The following KCNIP3 variants were observed in gnomAD, a reference collection of about 807,000 sequenced individuals.
The protein encoded by KCNIP3 is calsenilin.
A neutral mutation model predicts 35.0 loss-of-function variants in KCNIP3; 28 were observed. The observed-to-expected ratio is 0.80, with a 90% CI of 0.59 to 1.10. KCNIP3 has a LOEUF of 1.10. KCNIP3 is among the 50% of genes least tolerant of loss of function. The pLI is 0.00. For missense variants in KCNIP3, 295 were observed against 338.4 expected (o/e 0.87, Z 1.01); for synonymous variants, 134 against 133.8 (o/e 1.00, Z -0.01).
chr2:95,354,017 G>C (rs544695739), intron 2 of KCNIP3, among the ~76,000 whole-genome samples: 27 of 152,350 alleles, frequency 1.8e-4, no homozygotes, highest in Admixed American at 1.4e-3. Context: ...GGAAGTGGAG[G>C]ATGCTGTTCT....
At chr2:95,301,065 C>T (rs1416431439) in intron 1 of KCNIP3, among the ~76,000 whole-genome samples, 1 of 152,270 alleles carries the variant, frequency 6.6e-6, no homozygotes, top group East Asian at 1.9e-4. Context: ...TGCCACATGC[C>T]CCTGTGCCCA....
intron 2 of KCNIP3, among the ~76,000 whole-genome samples, chr2:95,323,437 C>T (rs1193459160): frequency 5.9e-5 from 9 of 152,182 alleles, no homozygotes; most frequent in African/African-American, 1.7e-4. Flanking sequence ...GCAGTCAGTG[C>T]TCTGGGCTCC....
chr2:95,308,245 C>G (rs1416447058), intron 1 of KCNIP3, among the ~76,000 whole-genome samples: 1 of 152,220 alleles, frequency 6.6e-6, no homozygotes, highest in Non-Finnish European at 1.5e-5. Context: ...AGTGCCTCTT[C>G]TTGCTGCAGC....
intron 2 of KCNIP3, chr2:95,347,180 G>T: frequency 6.9e-7 from 1 of 1,439,154 alleles, no homozygotes; most frequent in East Asian, 2.4e-5. Context: ...GGTCTGGAGG[G>T]AGGGACCAGT....
chr2:95,354,654 C>CT (rs1329403779), intron 2 of KCNIP3, among the ~76,000 whole-genome samples: 1 of 152,212 alleles, frequency 6.6e-6, no homozygotes, highest in Non-Finnish European at 1.5e-5. Context: ...GAAAGCGTCT[C>CT]TAACTGCGGG....
chr2:95,363,380 C>A (rs1269368659), intron 2 of KCNIP3, among the ~76,000 whole-genome samples: 1 of 152,176 alleles, frequency 6.6e-6, no homozygotes, highest in Admixed American at 6.5e-5. Context: ...GACCTTTTTT[C>A]CCATAGCTTT....
chr2:95,350,528 C>T lies in KCNIP3; in HGVS notation c.182-23768C>T, dbSNP rs183888332. 1.8e-3 allele frequency among the ~76,000 whole-genome samples: 275 copies of T among 152,312 alleles called. 1 individual carries two copies. Among genetic ancestry groups the T allele is most frequent in the Middle Eastern group, 6.8e-3 (2 of 294 alleles). On this transcript the variant is annotated intron_variant, in intron 2 of 8. Transcript: ENST00000295225. ...TCTCCTGTCCCCTCTGCTCCACCTC[C>T]TGCTGGCGAACCTGAGGCCAGGTCC...
intron 2 of KCNIP3, among the ~76,000 whole-genome samples, chr2:95,349,059 A>T (rs1573505606): frequency 1.3e-5 from 2 of 151,948 alleles, no homozygotes; most frequent in South Asian, 4.2e-4. Context: ...GCACTGATTC[A>T]TGGTTGCAGC....
chr2:95,374,179 A>T, intron 2 of KCNIP3, 117 bp from the exon 3 acceptor site: 1 of 1,254,146 alleles, frequency 8.0e-7, no homozygotes, highest in Non-Finnish European at 1.1e-6. Flanking sequence ...TGTCCATGGT[A>T]GTCATGCAAA....
intron 2 of KCNIP3, 121 bp from the exon 3 acceptor site, chr2:95,374,175 T>C (rs1680112719): frequency 1.6e-6 from 2 of 1,245,970 alleles, no homozygotes; most frequent in Non-Finnish European, 2.3e-6. Context: ...TGGCTGTCCA[T>C]GGTAGTCATG....
At chr2:95,367,272 T>TA (rs951390934) in intron 2 of KCNIP3, among the ~76,000 whole-genome samples, 1 of 152,118 alleles carries the variant, frequency 6.6e-6, no homozygotes, top group African/African-American at 2.4e-5. Flanking sequence ...AACTCTGTCT[T>TA]AAAAAAATAA....
intron 2 of KCNIP3, among the ~76,000 whole-genome samples, chr2:95,360,293 C>G (rs1321017309): frequency 6.6e-6 from 1 of 152,142 alleles, no homozygotes; most frequent in African/African-American, 2.4e-5. Flanking sequence ...GGGCTTTTCT[C>G]CAGTTTCCAA....
At position 95,301,030 on chromosome 2, in the gene KCNIP3, C is replaced by A. The variant is rs560929409; in HGVS notation, c.15+3577C>A. 7.2e-5 allele frequency among the ~76,000 whole-genome samples: 11 copies of A among 152,396 alleles called. No homozygotes were observed. In the East Asian group the frequency reaches 2.1e-3, roughly 29 times the overall value. On this transcript the variant is annotated intron_variant, in intron 1 of 8. Coordinates refer to ENST00000295225, the MANE Select transcript of KCNIP3 (RefSeq NM_013434.5). ...CCAGGGTAGGCAAGGGACAAGTCCC[C>A]TGCATCCCAGTCCTCTGCTGCTGGT...
intron 2 of KCNIP3, among the ~76,000 whole-genome samples, chr2:95,360,608 CAG>C (rs1679770236): frequency 6.6e-6 from 1 of 152,226 alleles, no homozygotes. Flanking sequence ...ATACCACAAA[CAG>C]GGTAATTTAT....
Position 95,383,313 on chromosome 2 carries a change from T to TAGTTCTCTGCA in KCNIP3, c.723+19_723+20insAGTTCTCTGCA, listed in dbSNP as rs775168373. On this transcript the variant is annotated intron_variant, in intron 8 of 8. Coordinates refer to ENST00000295225, the MANE Select transcript of KCNIP3 (RefSeq NM_013434.5). Reference sequence around the variant, plus strand: ...TCAGAAGGTAGGTGGCACGGGAGGCTGGGCCACAGTTCTCTGCAGGCTCTA... The same window carrying TAGTTCTCTGCA: ...TCAGAAGGTAGGTGGCACGGGAGGCTAGTTCTCTGCAGGGCCACAGTTCTCTGCAGGCTCTA... The TAGTTCTCTGCA allele has an allele frequency of 1.1e-5, 17 of 1,611,252 alleles. No homozygotes were observed. The highest frequency in any genetic ancestry group is 1.3e-5 in the Non-Finnish European group (15 of 1,178,428).
intron 2 of KCNIP3, among the ~76,000 whole-genome samples, chr2:95,367,481 A>G (rs1484485836): frequency 1.3e-5 from 2 of 152,176 alleles, no homozygotes; most frequent in Non-Finnish European, 2.9e-5. Context: ...TCTTTATAGC[A>G]CTGAGTCTTT....
chr2:95,349,291 G>T (rs1213129669), intron 2 of KCNIP3, among the ~76,000 whole-genome samples: 2 of 152,172 alleles, frequency 1.3e-5, no homozygotes, highest in East Asian at 3.9e-4. Context: ...GCCGGAAGGG[G>T]ACTGTTGCCC....
At chr2:95,381,538 G>A in intron 5 of KCNIP3, 58 bp from the exon 6 acceptor site, 1 of 1,286,858 alleles carries the variant, frequency 7.8e-7, no homozygotes, top group Non-Finnish European at 1.1e-6. Context: ...CACAGCAACT[G>A]GAACTAGAAC....
intron 2 of KCNIP3, among the ~76,000 whole-genome samples, chr2:95,318,108 A>G (rs1158860696): frequency 6.6e-6 from 1 of 152,074 alleles, no homozygotes; most frequent in African/African-American, 2.4e-5. Context: ...GAAGGACTGC[A>G]GTCTTTGCAG....
Sources: allele counts gnomAD v4.1 joint callset (sites outside exome capture counted in the v4.1 genomes callset), GRCh38; gene constraint gnomAD v4.1.1; transcripts MANE v1.5; gene names NCBI Gene and HGNC (gene_info 2026-07-23, HGNC 2026-07-21).